COL25A1: variants seen among roughly 807,000 people sequenced by gnomAD.
The protein encoded by COL25A1 is collagen type XXV alpha 1 chain, also known as collagen alpha-1(XXV) chain.
A neutral mutation model predicts 128.4 loss-of-function variants in COL25A1; 103 were observed. The observed-to-expected ratio is 0.80, with a 90% CI of 0.68 to 0.94. The LOEUF (loss-of-function observed/expected upper bound fraction) is 0.94. COL25A1 is among the 40% of genes least tolerant of loss of function. The probability of loss-of-function intolerance (pLI) is 0.00; values close to 1 mark genes in which losing one functional copy is unlikely to be tolerated. For missense variants in COL25A1, 745 were observed against 840.0 expected, an observed-to-expected ratio of 0.89 and a Z score of 1.40; for synonymous variants, 279 against 277.2, an observed-to-expected ratio of 1.01 and a Z score of -0.06.
chr4:108,977,779 T>C (rs1225207455), intron 6 of COL25A1, among the ~76,000 whole-genome samples: 1 of 152,158 alleles, frequency 6.6e-6, no homozygotes, highest in Non-Finnish European at 1.5e-5. Context: ...AGGCAAACAG[T>C]TTCCACATAG....
chr4:108,968,282 T>C (rs1272117724), intron 8 of COL25A1, among the ~76,000 whole-genome samples: 1 of 152,178 alleles, frequency 6.6e-6, no homozygotes, highest in Non-Finnish European at 1.5e-5. Context: ...CATTAAATCA[T>C]ATGCCATCAA....
rs1260983480 is a variant in COL25A1 at position 109,182,495 on chromosome 4, A to G, written c.367+118088T>C. 7.2e-5 allele frequency among the ~76,000 whole-genome samples: 11 copies of G among 152,270 alleles called. No homozygotes were observed. The South Asian group carries it at 2.3e-3, about 32-fold the overall frequency. On this transcript the variant is annotated intron_variant, in intron 3 of 37. Coordinates refer to ENST00000399132, the MANE Select transcript of COL25A1 (RefSeq NM_198721.4). ...ATAGTATTTGAATAAGATATCCTTCATTTAAAAATATGTAAGTGTTTAAAA... is the reference window on the plus strand; with the variant it reads ...ATAGTATTTGAATAAGATATCCTTCGTTTAAAAATATGTAAGTGTTTAAAA...
At chr4:109,231,663 A>G (rs1032516927) in intron 3 of COL25A1, among the ~76,000 whole-genome samples, 3 of 152,176 alleles carry the variant, frequency 2.0e-5, no homozygotes, top group African/African-American at 7.2e-5. Context: ...GACCATCCAA[A>G]CTAAATGGGA....
chr4:109,200,459 T>C (rs1328401173), intron 3 of COL25A1, among the ~76,000 whole-genome samples: 1 of 152,106 alleles, frequency 6.6e-6, no homozygotes, highest in African/African-American at 2.4e-5. Context: ...TCCTAACGTA[T>C]CTTTTGTGGG....
At chr4:109,089,558 G>T (rs1187898641) in intron 3 of COL25A1, among the ~76,000 whole-genome samples, 1 of 152,110 alleles carries the variant, frequency 6.6e-6, no homozygotes, top group Non-Finnish European at 1.5e-5. Context: ...AGATCTACTT[G>T]AGGCATATAG....
At chr4:108,930,839 A>C (rs940280923) in intron 11 of COL25A1, among the ~76,000 whole-genome samples, 2 of 152,206 alleles carry the variant, frequency 1.3e-5, no homozygotes, top group African/African-American at 4.8e-5. Flanking sequence ...AAATATTTAG[A>C]CACTTTGTAT....
chr4:109,144,350 C>T (rs1770731745), intron 3 of COL25A1, among the ~76,000 whole-genome samples: 2 of 152,202 alleles, frequency 1.3e-5, no homozygotes, highest in South Asian at 4.1e-4. Flanking sequence ...TAGGAGATGT[C>T]TCCCAGTTAG....
At chr4:109,107,779 C>T (rs995267653) in intron 3 of COL25A1, among the ~76,000 whole-genome samples, 5 of 152,186 alleles carry the variant, frequency 3.3e-5, no homozygotes, top group East Asian at 1.9e-4. Context: ...GGACCACCAA[C>T]GTGACTACCA....
At chr4:109,105,939 T>C (rs72617753) in intron 3 of COL25A1, among the ~76,000 whole-genome samples, 18,780 of 152,180 alleles carry the variant, frequency 0.12, 1,704 homozygotes, top group East Asian at 0.29. Context: ...CAAAACTACT[T>C]TACTTTATGA....
At chr4:109,293,366 T>C in intron 3 of COL25A1, among the ~76,000 whole-genome samples, 1 of 152,020 alleles carries the variant, frequency 6.6e-6, no homozygotes, top group East Asian at 1.9e-4. Flanking sequence ...CTCCCCTCTT[T>C]TACTCTCCTT....
chr4:109,241,617 C>G (rs1324207683), intron 3 of COL25A1, among the ~76,000 whole-genome samples: 4 of 134,174 alleles, frequency 3.0e-5, no homozygotes, highest in Non-Finnish European at 6.2e-5. Flanking sequence ...TATGAAGCAT[C>G]TGTCTAGCCA....
chr4:108,936,613 C>G (rs532489265), intron 11 of COL25A1, among the ~76,000 whole-genome samples: 1 of 151,928 alleles, frequency 6.6e-6, no homozygotes, highest in Admixed American at 6.6e-5. Context: ...AGGTCAGGAA[C>G]AGAGAATTTC....
intron 3 of COL25A1, among the ~76,000 whole-genome samples, chr4:109,169,073 T>G (rs1023741753): frequency 1.3e-5 from 2 of 152,122 alleles, no homozygotes; most frequent in Admixed American, 6.6e-5. Context: ...CACTCTACGG[T>G]ATACATTTTA....
At chr4:108,946,508 T>C (rs183740901) in intron 8 of COL25A1, among the ~76,000 whole-genome samples, 1 of 152,362 alleles carries the variant, frequency 6.6e-6, no homozygotes, top group Non-Finnish European at 1.5e-5. Flanking sequence ...TAGAAAGCTT[T>C]AAAACTGACT....
chr4:109,028,948 G>C (rs1758579924), intron 5 of COL25A1, among the ~76,000 whole-genome samples: 2 of 152,124 alleles, frequency 1.3e-5, no homozygotes, highest in South Asian at 4.1e-4. Flanking sequence ...AAGGTAACCA[G>C]TGCCCTTAAG....
chr4:109,143,911 C>G (rs1427462802), intron 3 of COL25A1, among the ~76,000 whole-genome samples: 1 of 152,120 alleles, frequency 6.6e-6, no homozygotes, highest in Non-Finnish European at 1.5e-5. Context: ...TCGTCAAACT[C>G]ATTCTCTGTC....
chr4:109,276,255 AC>A (rs1722830037), intron 3 of COL25A1, among the ~76,000 whole-genome samples: 1 of 151,882 alleles, frequency 6.6e-6, no homozygotes, highest in South Asian at 2.1e-4. Flanking sequence ...TACTAAAACT[AC>A]AAAAAATTAG....
At chr4:109,065,546 G>GCGCGCGCA (rs1491174602) in intron 3 of COL25A1, among the ~76,000 whole-genome samples, 12 of 42,250 alleles carry the variant, frequency 2.8e-4, no homozygotes, top group African/African-American at 1.1e-3. Context: ...GCGCGCGCGC[G>GCGCGCGCA]TGTGTGTGTG....
chr4:108,961,996 T>C (rs1164010654), intron 8 of COL25A1, among the ~76,000 whole-genome samples: 1 of 152,212 alleles, frequency 6.6e-6, no homozygotes, highest in African/African-American at 2.4e-5. Flanking sequence ...GCTGACATGT[T>C]CTTTTGAAGA....
Sources: gnomAD v4.1 joint callset for allele counts (sites outside exome capture counted in the v4.1 genomes callset) on GRCh38, gnomAD v4.1.1 for gene constraint, MANE v1.5 for transcripts, NCBI Gene and HGNC (gene_info 2026-07-23, HGNC 2026-07-21) for gene names.